The following HMG20A variants were observed in gnomAD, a reference collection of about 807,000 sequenced individuals.
The protein encoded by HMG20A is high mobility group 20A.
In HMG20A, 17 loss-of-function variants were observed where a neutral mutation model predicts 43.9. The ratio of observed to expected loss-of-function variants is 0.39; its 90% CI spans 0.27 to 0.58. The LOEUF is 0.58. Ranked by LOEUF, HMG20A falls within the 20% of genes least tolerant of loss-of-function variation. The probability of loss-of-function intolerance (pLI) is 0.59; values close to 1 mark genes in which losing one functional copy is unlikely to be tolerated. For missense variants in HMG20A, 341 were observed against 438.2 expected, an observed-to-expected ratio of 0.78 and a Z score of 1.98; for synonymous variants, 132 against 147.5, an observed-to-expected ratio of 0.89 and a Z score of 0.76.
rs537826313 is a variant in HMG20A at position 77,425,893 on chromosome 15, CTA to C, written c.-5+4890_-5+4891del. 1.0e-3 allele frequency among the ~76,000 whole-genome samples: 154 copies of C among 152,176 alleles called. 2 individuals are homozygous for C. The South Asian group carries it at 0.01, about 10-fold the overall frequency. On this transcript the variant is annotated intron_variant, in intron 1 of 9. Coordinates refer to ENST00000336216, the MANE Select transcript of HMG20A (RefSeq NM_001304504.2). Reference sequence around the variant, plus strand: ...CAAATGTCCATTAATTATTGGATGACTAAACAAAATGCGATATAGCCATACAA... The same window carrying C: ...CAAATGTCCATTAATTATTGGATGACAACAAAATGCGATATAGCCATACAA...
the HMG20A span, among the ~76,000 whole-genome samples, chr15:77,492,949 A>G: frequency 2.6e-5 from 4 of 152,094 alleles, no homozygotes; most frequent in African/African-American, 7.2e-5. Context: ...TTCAAGGAGG[A>G]ATTTTGGGTA....
Position 77,450,278 on chromosome 15 carries a change from C to T in HMG20A, c.-4-8126C>T, listed in dbSNP as rs576979898. Among the ~76,000 whole-genome samples the T allele has an allele frequency of 4.5e-3, 685 of 152,078 alleles. 5 individuals are homozygous for T. The highest frequency in any genetic ancestry group is 0.01 in the Admixed American group (159 of 15,260). Reference sequence around the variant, plus strand: ...CCCGAGTAGCTAGGACTACAGGCGCCCACCACCACACCCGGCTAATTTTTT... The same window carrying T: ...CCCGAGTAGCTAGGACTACAGGCGCTCACCACCACACCCGGCTAATTTTTT... On this transcript the variant is annotated intron_variant, in intron 1 of 9. Transcript: ENST00000336216.
intron 1 of HMG20A, among the ~76,000 whole-genome samples, chr15:77,446,381 A>G (rs1055241685): frequency 1.3e-5 from 2 of 152,118 alleles, no homozygotes; most frequent in Non-Finnish European, 2.9e-5. Context: ...GATGCCTAAC[A>G]TAGTGACATA....
At chr15:77,421,209 A>T in intron 1 of HMG20A, 7 of 299,882 alleles carry the variant, frequency 2.3e-5, no homozygotes, top group East Asian at 5.2e-5. Flanking sequence ...GGGGGTGGTG[A>T]TGGTTTGGGG....
intron 1 of HMG20A, among the ~76,000 whole-genome samples, chr15:77,440,614 A>G (rs2073601361): frequency 6.6e-6 from 1 of 152,148 alleles, no homozygotes; most frequent in African/African-American, 2.4e-5. Context: ...CACTTAGACA[A>G]CCAGGCGGAT....
chr15:77,501,147 G>T, the HMG20A span, among the ~76,000 whole-genome samples: 1 of 152,090 alleles, frequency 6.6e-6, no homozygotes, highest in African/African-American at 2.4e-5. Flanking sequence ...ACTGTGCCTG[G>T]GACAAAGTAA....
rs117186899 is a variant in HMG20A, at chr15:77,463,076, T to G, written c.90-1164T>G. ...CGTGAGGCACCACACCTAGCCATTC[T>G]GCCTCTTAAGTATCTCTTAACTGTC... On this transcript the variant is annotated intron_variant, in intron 2 of 9. Transcript: ENST00000336216. Among the ~76,000 whole-genome samples the G allele has an allele frequency of 9.8e-3, 1,493 of 152,274 alleles. 10 individuals are homozygous for G. The highest frequency in any genetic ancestry group is 0.015 in the Non-Finnish European group (1,053 of 68,028).
At chr15:77,452,737 A>G (rs373948034) in intron 1 of HMG20A, among the ~76,000 whole-genome samples, 5 of 150,364 alleles carry the variant, frequency 3.3e-5, no homozygotes, top group East Asian at 1.9e-4. Flanking sequence ...GCAACCAAAG[A>G]AAAAAAAAAG....
At chr15:77,519,788 C>G in the HMG20A span, among the ~76,000 whole-genome samples, 2 of 152,220 alleles carry the variant, frequency 1.3e-5, no homozygotes, top group Non-Finnish European at 2.9e-5. Flanking sequence ...ACATAACTCA[C>G]CCAATCAGAG....
At position 77,458,494 on chromosome 15, in the gene HMG20A, T is replaced by G; in HGVS notation, c.87T>G (p.Thr29=). 2 of 1,607,346 alleles carry G rather than the reference T, an allele frequency of 1.2e-6. No individual in the cohort carries two copies. Among genetic ancestry groups the G allele is most frequent in the Non-Finnish European group, 1.7e-6 (2 of 1,174,114 alleles). ...GSKESNDLAT[T]GLNHPEVPYS... ...AGGAGAGTAATGATCTGGCTACCAC[T>G]GGGTAAGCAGCTGCTTTAGGACACT... Residue 29 remains threonine, a splice_region_variant and synonymous_variant, in exon 2 of 10, where the codon ACT becomes ACG. Transcript: ENST00000336216.
downstream of HMG20A, among the ~76,000 whole-genome samples, chr15:77,488,453 T>C (rs1008311868): frequency 6.6e-6 from 1 of 152,218 alleles, no homozygotes; most frequent in Non-Finnish European, 1.5e-5. Context: ...AGACAAATAA[T>C]TTTTAGAGAG....
chr15:77,494,007 C>CT, the HMG20A span, among the ~76,000 whole-genome samples: 1 of 152,126 alleles, frequency 6.6e-6, no homozygotes, highest in Non-Finnish European at 1.5e-5. Context: ...TCCAAGGAGA[C>CT]TTTTTTTATT....
At chr15:77,468,824 A>G (rs933290677) in intron 4 of HMG20A, among the ~76,000 whole-genome samples, 3 of 152,168 alleles carry the variant, frequency 2.0e-5, no homozygotes, top group African/African-American at 7.2e-5. Context: ...TGTTGACTGA[A>G]TGTCATTTCT....
the HMG20A span, among the ~76,000 whole-genome samples, chr15:77,504,067 A>G: frequency 1.3e-5 from 2 of 152,218 alleles, no homozygotes; most frequent in African/African-American, 4.8e-5. Flanking sequence ...AGGAGATTTG[A>G]TAGGGAAAAA....
chr15:77,512,539 A>G, the HMG20A span, among the ~76,000 whole-genome samples: 1 of 152,212 alleles, frequency 6.6e-6, no homozygotes. Flanking sequence ...CTGTGAGTTA[A>G]TATTAACACA....
rs1267053470 is a variant in HMG20A at position 77,464,330 on chromosome 15, G to A, written c.180G>A (p.Leu60=). The A allele has an allele frequency of 6.2e-7, 1 of 1,613,854 alleles. No individual in the cohort carries two copies. The highest frequency in any genetic ancestry group is 1.7e-5 in the Admixed American group (1 of 60,008). Residue 60 remains leucine (L), a synonymous_variant, in exon 3 of 10, where the codon TTG becomes TTA. Transcript: ENST00000336216. ...EFVEDLSQGQ[L]LQSESSNAAE... is the part of the protein sequence containing the mutation. ...TGGAGGATCTCTCTCAAGGTCAGTT[G>A]CTTCAGAGTGAGTCTTCAAATGCAG...
chr15:77,500,539 G>A, the HMG20A span, among the ~76,000 whole-genome samples: 12 of 150,020 alleles, frequency 8.0e-5, no homozygotes, highest in Non-Finnish European at 1.3e-4. Flanking sequence ...CAGACCACTC[G>A]CTGTTCCCCA....
the HMG20A span, among the ~76,000 whole-genome samples, chr15:77,517,337 C>T: frequency 6.6e-6 from 1 of 152,140 alleles, no homozygotes; most frequent in Non-Finnish European, 1.5e-5. Context: ...GTGCCCAGCA[C>T]AGAGCAAGTC....
Position 77,478,464 on chromosome 15 carries a change from C to G in HMG20A, c.861C>G (p.Thr287=). The change falls in exon 8 of 10, where the codon ACC becomes ACG. Residue 287 remains threonine (T), a synonymous_variant. Coordinates refer to ENST00000336216, the MANE Select transcript of HMG20A (RefSeq NM_001304504.2). ...RNTVLQQHLE[T]LRQVLTSSFA... ...CAGTCTTACAGCAGCACCTGGAGAC[C>G]CTGCGGCAGGTGCTGACCAGCAGCT... is the stretch of plus-strand genomic sequence containing the variant. 6.2e-7 allele frequency: 1 copy of G among 1,611,854 alleles called. No individual in the cohort carries two copies. Among genetic ancestry groups the G allele is most frequent in the South Asian group, 1.1e-5 (1 of 91,004 alleles).
Sources: gnomAD v4.1 joint callset for allele counts (sites outside exome capture counted in the v4.1 genomes callset) on GRCh38, gnomAD v4.1.1 for gene constraint, MANE v1.5 for transcripts, NCBI Gene and HGNC (gene_info 2026-07-23, HGNC 2026-07-21) for gene names.